Variants in EML6 observed in about 807,000 individuals in gnomAD.
EML6 encodes the protein echinoderm microtubule-associated protein-like 6.
EML6 carries 154 observed loss-of-function variants against 240.1 expected under a neutral mutation model. The ratio of observed to expected loss-of-function variants is 0.64; its 90% confidence interval spans 0.56 to 0.73. The LOEUF (loss-of-function observed/expected upper bound fraction) is 0.73. Ranked by LOEUF, EML6 falls within the 30% of genes least tolerant of loss-of-function variation. The probability of loss-of-function intolerance (pLI) is 0.00; values close to 1 mark genes in which losing one functional copy is unlikely to be tolerated. For synonymous variants in EML6, 1,148 were observed against 899.0 expected (o/e 1.28, Z -4.95); for missense variants, 2,964 against 2,474.6 (o/e 1.20, Z -4.20).
At chr2:54,869,117 A>G (rs1671121026) in intron 14 of EML6, 64 bp from the exon 15 acceptor site, 1 of 1,113,642 alleles carries the variant, frequency 9.0e-7, no homozygotes, top group Non-Finnish European at 1.3e-6. Flanking sequence ...TGCCTCTGAC[A>G]CCTCCTGCTC....
At chr2:54,886,316 C>A (rs144019629) in intron 17 of EML6, among the ~76,000 whole-genome samples, 1,600 of 151,902 alleles carry the variant, frequency 0.011, 19 homozygotes, top group Non-Finnish European at 0.017. Flanking sequence ...CAGGTGCCTG[C>A]CACCACGCCT....
chr2:54,853,826 A>C lies in EML6; in HGVS notation c.1628A>C (p.Lys543Thr). The change falls in exon 11 of 42, where the codon AAA becomes ACA. Residue 543 changes from lysine (K) to threonine (T), a missense_variant. By Grantham distance (78) the Lys-to-Thr change is moderately conservative. Coordinates refer to ENST00000356458, the MANE Select transcript of EML6 (RefSeq NM_001039753.4). ...LVSGDDFGLVKLFKFPCLKRG... is the reference protein window; with the variant it reads ...LVSGDDFGLVTLFKFPCLKRG... ...TCTGGAGATGATTTTGGACTGGTTA[A>C]ATTGTTTAAATTTCCTTGTCTCAAG... The C allele has an allele frequency of 6.4e-7, 1 of 1,551,398 alleles. No homozygotes were observed. Among genetic ancestry groups the C allele is most frequent in the Non-Finnish European group, 8.7e-7 (1 of 1,146,828 alleles).
chr2:54,743,704 A>G (rs1455379182), intron 2 of EML6, among the ~76,000 whole-genome samples: 6 of 152,210 alleles, frequency 3.9e-5, no homozygotes, highest in Non-Finnish European at 4.4e-5. Flanking sequence ...TCTCTTGGTA[A>G]AATACTCTTG....
chr2:54,859,660 C>T lies in EML6; in HGVS notation c.1784C>T (p.Pro595Leu), dbSNP rs1479242363. 2 of 1,549,566 alleles carry T rather than the reference C, an allele frequency of 1.3e-6. No homozygotes were observed. Among genetic ancestry groups the T allele is most frequent in the Non-Finnish European group, 1.7e-6 (2 of 1,146,492 alleles). Residue 595 changes from proline (P) to leucine (L), a missense_variant, in exon 12 of 42, where the codon CCA (proline) becomes CTA (leucine). By Grantham distance (98) the Pro-to-Leu change is moderately conservative (BLOSUM62 -3). Coordinates refer to ENST00000356458, the MANE Select transcript of EML6 (RefSeq NM_001039753.4). The stretch of plus-strand genomic sequence containing the variant: ...TCAGTTTTCCAGTGGAGGTTTATTC[C>T]AGAAGGTGTCAGCAACGGCATGCTG... Reference protein sequence around the residue: ...DHSVFQWRFIPEGVSNGMLET... With the variant: ...DHSVFQWRFILEGVSNGMLET...
intron 12 of EML6, 113 bp downstream of exon 12, chr2:54,859,814 T>G: frequency 1.3e-6 from 1 of 795,348 alleles, no homozygotes; most frequent in Non-Finnish European, 1.9e-6. Context: ...GAAAATTGAT[T>G]CCTGTAATCT....
chr2:54,874,484 C>T (rs532815222), intron 16 of EML6, among the ~76,000 whole-genome samples: 1 of 152,290 alleles, frequency 6.6e-6, no homozygotes, highest in South Asian at 2.1e-4. Flanking sequence ...CCCCAGATAA[C>T]AATCACTGGG....
At chr2:54,874,639 G>C (rs758799094) in intron 16 of EML6, among the ~76,000 whole-genome samples, 2 of 152,120 alleles carry the variant, frequency 1.3e-5, no homozygotes, top group Non-Finnish European at 2.9e-5. Context: ...GACTATTGTG[G>C]AAAAACTTTG....
At chr2:54,876,013 T>A (rs1242145800) in intron 16 of EML6, among the ~76,000 whole-genome samples, 1 of 152,234 alleles carries the variant, frequency 6.6e-6, no homozygotes, top group Non-Finnish European at 1.5e-5. Context: ...CTCATAATTG[T>A]CTGAATAAAA....
intron 17 of EML6, among the ~76,000 whole-genome samples, chr2:54,886,008 G>A (rs1325840559): frequency 6.6e-6 from 1 of 152,126 alleles, no homozygotes; most frequent in Non-Finnish European, 1.5e-5. Context: ...TGGATCAAGA[G>A]ACATTCTATT....
At chr2:54,916,180 A>G (rs1308342260) in intron 25 of EML6, among the ~76,000 whole-genome samples, 9 of 152,250 alleles carry the variant, frequency 5.9e-5, no homozygotes, top group African/African-American at 1.9e-4. Context: ...GGAAGCAGTC[A>G]TGTTTTTTAA....
intron 17 of EML6, among the ~76,000 whole-genome samples, chr2:54,886,047 T>A (rs1377806678): frequency 5.9e-5 from 9 of 152,174 alleles, no homozygotes; most frequent in East Asian, 1.9e-4. Context: ...TTCAAAGTTA[T>A]GCCAAAGTAG....
At position 54,747,585 on chromosome 2, in the gene EML6, G is replaced by C. The variant is rs538383385; in HGVS notation, c.197+22327G>C. The stretch of plus-strand genomic sequence containing the variant: ...TAGGAGAAAATTAGTATGCATGTCT[G>C]AAACCCACATAAAGAATGAACTTAA... On this transcript the variant is annotated intron_variant, in intron 2 of 41. Transcript: ENST00000356458. 2.6e-5 allele frequency: 4 copies of C among 152,156 alleles called. No individual in the cohort carries two copies. In the South Asian group the frequency reaches 8.3e-4, roughly 32 times the overall value. The allele number at this position is 152,156 out of a possible 1,614,324, so 9.4% of individuals were successfully genotyped here.
intron 9 of EML6, among the ~76,000 whole-genome samples, chr2:54,848,844 T>G (rs1172981285): frequency 6.6e-6 from 1 of 152,192 alleles, no homozygotes; most frequent in Non-Finnish European, 1.5e-5. Flanking sequence ...CTCACTGTAT[T>G]CATGACAGTG....
intron 28 of EML6, among the ~76,000 whole-genome samples, chr2:54,936,279 G>A (rs1232676117): frequency 6.6e-6 from 1 of 152,116 alleles, no homozygotes; most frequent in Admixed American, 6.5e-5. Flanking sequence ...TCTAAGTGTG[G>A]GTTATGATCT....
chr2:54,727,650 G>T (rs1172092870), intron 2 of EML6, among the ~76,000 whole-genome samples: 1 of 152,068 alleles, frequency 6.6e-6, no homozygotes, highest in Non-Finnish European at 1.5e-5. Context: ...AAAGTGTTTT[G>T]GTTTTTTATT....
chr2:54,800,819 A>G (rs1414900178), intron 2 of EML6, among the ~76,000 whole-genome samples: 2 of 152,116 alleles, frequency 1.3e-5, no homozygotes, highest in African/African-American at 4.8e-5. Context: ...CCTCTGTATA[A>G]TAGACATGTA....
chr2:54,732,353 T>C (rs2104379335), intron 2 of EML6, among the ~76,000 whole-genome samples: 1 of 152,320 alleles, frequency 6.6e-6, no homozygotes, highest in African/African-American at 2.4e-5. Context: ...ATGTCATATC[T>C]AGGCAACCAT....
At chr2:54,954,383 C>T (rs1342873841) in intron 32 of EML6, among the ~76,000 whole-genome samples, 2 of 152,136 alleles carry the variant, frequency 1.3e-5, no homozygotes, top group Non-Finnish European at 2.9e-5. Context: ...CTCCAGGGCC[C>T]ATTAGTGAAG....
chr2:54,920,964 A>T (rs528764408), intron 26 of EML6, among the ~76,000 whole-genome samples: 77 of 152,234 alleles, frequency 5.1e-4, no homozygotes, highest in Admixed American at 4.1e-3. Flanking sequence ...ACATCCTCTC[A>T]TGATTAAAAA....
Sources: allele counts gnomAD v4.1 joint callset (sites outside exome capture counted in the v4.1 genomes callset), GRCh38; gene constraint gnomAD v4.1.1; transcripts MANE v1.5; gene names NCBI Gene and HGNC (gene_info 2026-07-23, HGNC 2026-07-21).